Variants in ATP6V0A4 observed in about 807,000 individuals in gnomAD.
The protein encoded by ATP6V0A4 is ATPase H+ transporting V0 subunit a4, also known as V-type proton ATPase 116 kDa subunit a 4.
Under a neutral mutation model 107.3 loss-of-function variants are expected in ATP6V0A4, and 86 were observed. That is an observed-to-expected ratio of 0.80 (90% CI 0.67 to 0.96). The LOEUF (loss-of-function observed/expected upper bound fraction) is 0.96. Among genes scored for constraint, ATP6V0A4 ranks in the 40% least tolerant of loss-of-function variants. The probability of loss-of-function intolerance (pLI) is 0.00; values close to 1 mark genes in which losing one functional copy is unlikely to be tolerated. For synonymous variants in ATP6V0A4, 353 were observed against 381.4 expected (o/e 0.93, Z 0.87); for missense variants, 908 against 1,045.6 (o/e 0.87, Z 1.81).
chr7:138,755,918 A>G (rs1348562313), intron 9 of ATP6V0A4, 136 bp from the exon 10 acceptor site: 3 of 1,491,686 alleles, frequency 2.0e-6, no homozygotes, highest in Non-Finnish European at 2.7e-6. Flanking sequence ...GTCTTTGGCC[A>G]CTGGAAAAGG....
chr7:138,771,394 A>T, intron 2 of ATP6V0A4, 130 bp from the exon 3 acceptor site: 27 of 969,990 alleles, frequency 2.8e-5, no homozygotes, highest in South Asian at 5.1e-5. Context: ...TTCTGATTTT[A>T]GGAGACTTTT....
At chr7:138,723,834 C>T (rs1366850508) in intron 18 of ATP6V0A4, among the ~76,000 whole-genome samples, 4 of 151,916 alleles carry the variant, frequency 2.6e-5, no homozygotes, top group African/African-American at 4.8e-5. Flanking sequence ...CCAGGGCCCT[C>T]CTTTCTTTAG....
intron 13 of ATP6V0A4, 125 bp downstream of exon 13, chr7:138,747,300 G>T: frequency 8.2e-7 from 1 of 1,220,704 alleles, no homozygotes; most frequent in Non-Finnish European, 1.2e-6. Context: ...GGTTAATTTG[G>T]CTCTTTTTTA....
intron 1 of ATP6V0A4, among the ~76,000 whole-genome samples, chr7:138,790,457 G>A (rs1808359994): frequency 6.6e-6 from 1 of 152,076 alleles, no homozygotes; most frequent in African/African-American, 2.4e-5. Context: ...ACCAGGACTG[G>A]CTAATTTTTG....
intron 20 of ATP6V0A4, among the ~76,000 whole-genome samples, chr7:138,710,041 T>C (rs2117178575): frequency 6.6e-6 from 1 of 151,998 alleles, no homozygotes; most frequent in East Asian, 1.9e-4. Context: ...ATTATTATTT[T>C]TTGAGACAGG....
intron 19 of ATP6V0A4, among the ~76,000 whole-genome samples, chr7:138,721,313 C>T (rs1804410543): frequency 6.6e-6 from 1 of 152,104 alleles, no homozygotes; most frequent in Admixed American, 6.6e-5. Flanking sequence ...CCGAGGCAGG[C>T]AGATCACCTG....
intron 5 of ATP6V0A4, among the ~76,000 whole-genome samples, chr7:138,766,446 T>C (rs1048206468): frequency 1.3e-5 from 2 of 152,234 alleles, no homozygotes; most frequent in South Asian, 2.1e-4. Context: ...CCTCAAGCAA[T>C]ACACCCGCCT....
In ATP6V0A4 at chr7:138,715,848, T is replaced by C. The variant is rs1562978360; in HGVS notation, c.2173A>G (p.Ile725Val). 1 of 1,613,758 alleles carries C rather than the reference T, an allele frequency of 6.2e-7. No individual in the cohort carries two copies. Among genetic ancestry groups the C allele is most frequent in the Non-Finnish European group, 8.5e-7 (1 of 1,179,736 alleles). ...CCCAGGCAGTACTCGATGGTGTGGA[T>C]GGCTTGGTGGACAAAGACGTCTCCA... is the stretch of plus-strand genomic sequence containing the variant. ...NFGDVFVHQA[I>V]HTIEYCLGCI... The change falls in exon 20 of 22, where the codon ATC becomes GTC. Residue 725 changes from isoleucine (I) to valine (V), a missense_variant. Coordinates refer to ENST00000310018, the MANE Select transcript of ATP6V0A4 (RefSeq NM_020632.3).
chr7:138,711,684 A>G (rs868355261), intron 20 of ATP6V0A4, among the ~76,000 whole-genome samples: 4 of 152,356 alleles, frequency 2.6e-5, no homozygotes, highest in Middle Eastern at 6.8e-3. Flanking sequence ...CCGTCGGGTT[A>G]GACCCGTACC....
chr7:138,765,913 CT>C (rs1208834474), intron 5 of ATP6V0A4, among the ~76,000 whole-genome samples: 1 of 152,066 alleles, frequency 6.6e-6, no homozygotes, highest in Non-Finnish European at 1.5e-5. Flanking sequence ...CCACACCCAG[CT>C]GATTATTTTT....
At chr7:138,755,244 G>C (rs888943138) in intron 10 of ATP6V0A4, among the ~76,000 whole-genome samples, 1 of 152,222 alleles carries the variant, frequency 6.6e-6, no homozygotes, top group South Asian at 2.1e-4. Flanking sequence ...TGGGATGAAT[G>C]AATGTTCACA....
At chr7:138,775,255 AC>A (rs375138846) in intron 2 of ATP6V0A4, among the ~76,000 whole-genome samples, 82 of 151,738 alleles carry the variant, frequency 5.4e-4, no homozygotes, top group African/African-American at 1.9e-3. Context: ...TATCATCCAC[AC>A]CCCACCCACT....
intron 17 of ATP6V0A4, among the ~76,000 whole-genome samples, chr7:138,731,648 T>G (rs959060436): frequency 1.9e-4 from 29 of 152,096 alleles, no homozygotes; most frequent in Non-Finnish European, 4.0e-4. Flanking sequence ...ATCCCAGCAC[T>G]TTGGGAGTCT....
chr7:138,740,717 G>C (rs1805596179), intron 14 of ATP6V0A4, among the ~76,000 whole-genome samples: 1 of 151,696 alleles, frequency 6.6e-6, no homozygotes, highest in Admixed American at 6.6e-5. Flanking sequence ...GCTGGGATTT[G>C]GTGTGAGCCA....
intron 21 of ATP6V0A4, among the ~76,000 whole-genome samples, chr7:138,707,339 A>T (rs1318017485): frequency 1.0e-5 from 1 of 99,316 alleles, no homozygotes; most frequent in East Asian, 2.5e-4. Flanking sequence ...TATTTATAAT[A>T]TATATATTAT....
chr7:138,730,931 C>CTTCTTTTTTTT (rs1554392929), intron 17 of ATP6V0A4, among the ~76,000 whole-genome samples: 3 of 123,760 alleles, frequency 2.4e-5, no homozygotes, highest in African/African-American at 3.1e-5. Flanking sequence ...TCTTCTTCTT[C>CTTCTTTTTTTT]TTTTTTTATT....
intron 19 of ATP6V0A4, among the ~76,000 whole-genome samples, chr7:138,718,599 T>G (rs1584894369): frequency 5.1e-5 from 3 of 58,484 alleles, no homozygotes; most frequent in African/African-American, 1.5e-4. Flanking sequence ...TGGGGAGGAA[T>G]GGGGAGGAAT....
intron 2 of ATP6V0A4, among the ~76,000 whole-genome samples, chr7:138,775,644 A>ATTT (rs36128448): frequency 1.2e-3 from 106 of 89,042 alleles, no homozygotes; most frequent in Non-Finnish European, 1.7e-3. Flanking sequence ...GATTGGGCTG[A>ATTT]TTTTTTTTTT....
At chr7:138,728,245 A>C (rs1018434509) in intron 18 of ATP6V0A4, among the ~76,000 whole-genome samples, 1 of 151,610 alleles carries the variant, frequency 6.6e-6, no homozygotes, top group African/African-American at 2.4e-5. Flanking sequence ...TTATTTTTTG[A>C]GACGGTTTTT....
Sources: allele counts gnomAD v4.1 joint callset (sites outside exome capture counted in the v4.1 genomes callset), GRCh38; gene constraint gnomAD v4.1.1; transcripts MANE v1.5; gene names NCBI Gene and HGNC (gene_info 2026-07-23, HGNC 2026-07-21).